DCLK1: variants seen among roughly 807,000 people sequenced by gnomAD.
DCLK1 encodes the protein serine/threonine-protein kinase DCLK1.
Under a neutral mutation model 86.2 loss-of-function variants are expected in DCLK1, and 16 were observed. That is an observed-to-expected ratio of 0.19 (90% CI 0.13 to 0.28). The LOEUF (loss-of-function observed/expected upper bound fraction) is 0.28. Ranked by LOEUF, DCLK1 falls within the 10% of genes least tolerant of loss-of-function variation. DCLK1 has a pLI of 1.00. For synonymous variants in DCLK1, 369 were observed against 370.5 expected (o/e 1.00, Z 0.05); for missense variants, 590 against 940.2 (o/e 0.63, Z 4.87).
Position 36,126,230 on chromosome 13 carries a change from T to C in DCLK1, c.-19-74A>G. 6.4e-6 allele frequency: 8 copies of C among 1,251,966 alleles called. 1 individual carries two copies. The South Asian group carries it at 2.1e-4, about 33-fold the overall frequency. The allele number at this position is 1,251,966 out of a possible 1,614,324, so 77.6% of individuals were successfully genotyped here. A position where few individuals can be genotyped will look rare whatever the true frequency, so the allele number is the denominator to read the frequency against. Reference sequence around the variant, plus strand: ...ATATATATATATATTTTTTTGTTTTTGTTTTTTTTATGTTAGGGACAGGGT... The same window carrying C: ...ATATATATATATATTTTTTTGTTTTCGTTTTTTTTATGTTAGGGACAGGGT... On this transcript the variant is annotated intron_variant, in intron 1 of 16. Coordinates refer to ENST00000360631, the MANE Select transcript of DCLK1 (RefSeq NM_001330071.2).
chr13:36,078,237 C>T (rs556242971), intron 3 of DCLK1, among the ~76,000 whole-genome samples: 2 of 152,320 alleles, frequency 1.3e-5, no homozygotes, highest in South Asian at 2.1e-4. Context: ...TCTTGAACTT[C>T]CCAGCCTTGA....
At chr13:35,895,623 ATCTC>A (rs1006324750) in intron 4 of DCLK1, among the ~76,000 whole-genome samples, 2 of 152,160 alleles carry the variant, frequency 1.3e-5, no homozygotes, top group African/African-American at 4.8e-5. Context: ...GTGGGTAGCT[ATCTC>A]TATAAATTAT....
intron 4 of DCLK1, among the ~76,000 whole-genome samples, chr13:35,892,987 A>G (rs1244725646): frequency 6.6e-6 from 1 of 152,266 alleles, no homozygotes; most frequent in Non-Finnish European, 1.5e-5. Context: ...TCCACATGAC[A>G]GCACACAAAC....
At chr13:36,128,053 C>A (rs1423698544) in intron 1 of DCLK1, among the ~76,000 whole-genome samples, 1 of 152,208 alleles carries the variant, frequency 6.6e-6, no homozygotes, top group Non-Finnish European at 1.5e-5. Flanking sequence ...TGAACACTCA[C>A]CAATGCACCA....
At chr13:35,983,105 T>C (rs933942923) in intron 3 of DCLK1, among the ~76,000 whole-genome samples, 10 of 151,870 alleles carry the variant, frequency 6.6e-5, no homozygotes, top group African/African-American at 2.4e-4. Flanking sequence ...AAGCTTCCTG[T>C]AGGGTCCAGA....
chr13:35,863,248 C>T (rs548501005), intron 5 of DCLK1, among the ~76,000 whole-genome samples: 1 of 152,300 alleles, frequency 6.6e-6, no homozygotes, highest in African/African-American at 2.4e-5. Flanking sequence ...CAACACATGG[C>T]TGTATATGTT....
intron 3 of DCLK1, among the ~76,000 whole-genome samples, chr13:36,025,485 C>G (rs1881996439): frequency 6.6e-6 from 1 of 152,148 alleles, no homozygotes. Flanking sequence ...CCTTAATGTT[C>G]ATCATTGATT....
chr13:35,835,039 T>C (rs1869256610), intron 8 of DCLK1, among the ~76,000 whole-genome samples: 1 of 152,182 alleles, frequency 6.6e-6, no homozygotes, highest in African/African-American at 2.4e-5. Context: ...AGCTCTGATA[T>C]GGCAGGAACC....
At chr13:36,128,204 C>A (rs1192846513) in intron 1 of DCLK1, among the ~76,000 whole-genome samples, 2 of 152,140 alleles carry the variant, frequency 1.3e-5, no homozygotes, top group Admixed American at 6.5e-5. Flanking sequence ...TACTGAAGGT[C>A]TAGGAGGTAC....
At chr13:35,795,498 T>C (rs571264445) in intron 15 of DCLK1, among the ~76,000 whole-genome samples, 1 of 152,332 alleles carries the variant, frequency 6.6e-6, no homozygotes, top group East Asian at 1.9e-4. Flanking sequence ...TAGTACATTA[T>C]CCAGCTCTTG....
intron 5 of DCLK1, among the ~76,000 whole-genome samples, chr13:35,862,773 T>C (rs117026016): frequency 0.033 from 4,953 of 152,330 alleles, 140 homozygotes; most frequent in Middle Eastern, 0.068. Flanking sequence ...GGGAATGTCC[T>C]CCTGGCCCTT....
intron 3 of DCLK1, among the ~76,000 whole-genome samples, chr13:36,069,176 T>G (rs989334442): frequency 1.4e-4 from 21 of 152,204 alleles, no homozygotes; most frequent in Admixed American, 1.3e-4. Context: ...GCACAAAGCT[T>G]TGTTGGAAAA....
At chr13:36,091,281 G>C (rs1259091084) in intron 3 of DCLK1, among the ~76,000 whole-genome samples, 1 of 152,092 alleles carries the variant, frequency 6.6e-6, no homozygotes, top group Non-Finnish European at 1.5e-5. Context: ...CAGGTTGATA[G>C]GTGCAGCAAA....
intron 3 of DCLK1, among the ~76,000 whole-genome samples, chr13:36,071,757 C>A (rs1883982781): frequency 6.6e-6 from 1 of 152,140 alleles, no homozygotes; most frequent in Admixed American, 6.5e-5. Flanking sequence ...GAGCAGAAGA[C>A]AGACTCACAC....
At chr13:35,789,001 C>T (rs1396043665) in intron 16 of DCLK1, among the ~76,000 whole-genome samples, 5 of 152,086 alleles carry the variant, frequency 3.3e-5, no homozygotes, top group Non-Finnish European at 7.4e-5. Context: ...CAGTTAAGTG[C>T]TTTTGATTAA....
chr13:35,929,683 C>T (rs911111685), intron 4 of DCLK1, among the ~76,000 whole-genome samples: 6 of 152,202 alleles, frequency 3.9e-5, no homozygotes, highest in Non-Finnish European at 5.9e-5. Flanking sequence ...CACTTCCTGA[C>T]AGCACTGCCA....
At chr13:36,031,767 T>G (rs1224776376) in intron 3 of DCLK1, among the ~76,000 whole-genome samples, 1 of 152,196 alleles carries the variant, frequency 6.6e-6, no homozygotes, top group Non-Finnish European at 1.5e-5. Context: ...TTTGTTGTGG[T>G]TGTTGTTGAA....
At chr13:36,078,364 G>A (rs1884289366) in intron 3 of DCLK1, among the ~76,000 whole-genome samples, 1 of 152,118 alleles carries the variant, frequency 6.6e-6, no homozygotes, top group African/African-American at 2.4e-5. Flanking sequence ...CCAACACACA[G>A]ACTAAAATGT....
chr13:35,942,304 C>T (rs1566613238), intron 4 of DCLK1, among the ~76,000 whole-genome samples: 1 of 152,134 alleles, frequency 6.6e-6, no homozygotes, highest in Non-Finnish European at 1.5e-5. Flanking sequence ...GTAGCTGGGA[C>T]TACAGGTGCA....
Sources: allele counts gnomAD v4.1 joint callset (sites outside exome capture counted in the v4.1 genomes callset), GRCh38; gene constraint gnomAD v4.1.1; transcripts MANE v1.5; gene names NCBI Gene and HGNC (gene_info 2026-07-23, HGNC 2026-07-21).